Variants in CAPSL observed in about 807,000 individuals in gnomAD.
CAPSL encodes the protein calcyphosine like.
A neutral mutation model predicts 21.3 loss-of-function variants in CAPSL; 17 were observed. The ratio of observed to expected loss-of-function variants is 0.80; its 90% CI spans 0.55 to 1.20. CAPSL has a LOEUF of 1.20. Ranked by LOEUF, CAPSL falls within the 50% of genes most tolerant of loss-of-function variation. CAPSL has a pLI of 0.00. For missense variants in CAPSL, 289 were observed against 259.3 expected (o/e 1.11, Z -0.79); for synonymous variants, 102 against 89.3 (o/e 1.14, Z -0.80).
chr5:35,906,120 G>A (rs1385034487), intron 4 of CAPSL, among the ~76,000 whole-genome samples: 1 of 152,122 alleles, frequency 6.6e-6, no homozygotes, highest in Admixed American at 6.5e-5. Context: ...CATTTTGACG[G>A]TGCACTTTAC....
At chr5:35,907,079 A>C (rs569228233) in intron 4 of CAPSL, among the ~76,000 whole-genome samples, 2 of 152,218 alleles carry the variant, frequency 1.3e-5, no homozygotes, top group Non-Finnish European at 2.9e-5. Flanking sequence ...TATTCATTTT[A>C]TTTGACATTA....
chr5:35,920,840 T>C, intron 2 of CAPSL, 144 bp downstream of exon 2: 1 of 821,566 alleles, frequency 1.2e-6, no homozygotes, highest in South Asian at 2.0e-5. Flanking sequence ...ATAGATCAAC[T>C]CTTCTAAACT....
intron 1 of CAPSL, among the ~76,000 whole-genome samples, chr5:35,921,638 A>G (rs1038449962): frequency 2.5e-4 from 38 of 152,276 alleles, no homozygotes; most frequent in Non-Finnish European, 4.3e-4. Context: ...ACTAACACCT[A>G]ATGAGGTTCT....
At chr5:35,930,057 G>A (rs1316936518) in intron 1 of CAPSL, among the ~76,000 whole-genome samples, 3 of 152,192 alleles carry the variant, frequency 2.0e-5, no homozygotes, top group South Asian at 2.1e-4. Flanking sequence ...TTTCTAAAAT[G>A]TATGAATATA....
At chr5:35,915,430 T>A (rs1024386315) in intron 2 of CAPSL, among the ~76,000 whole-genome samples, 18 of 152,066 alleles carry the variant, frequency 1.2e-4, no homozygotes, top group Non-Finnish European at 1.0e-4. Flanking sequence ...TAGACCAATA[T>A]CCCTGGTGAA....
chr5:35,934,388 A>G (rs533433600), intron 1 of CAPSL, among the ~76,000 whole-genome samples: 12 of 152,262 alleles, frequency 7.9e-5, no homozygotes, highest in East Asian at 1.9e-4. Flanking sequence ...CTGAACAGCA[A>G]TCGTCACTGC....
chr5:35,910,186 G>A (rs575166416), intron 3 of CAPSL, 111 bp from the exon 4 acceptor site: 4 of 1,125,366 alleles, frequency 3.6e-6, no homozygotes, highest in African/African-American at 1.6e-5. Context: ...TAATATTTGT[G>A]TGCTATTATG....
At chr5:35,918,610 A>AT (rs1738453671) in intron 2 of CAPSL, among the ~76,000 whole-genome samples, 1 of 152,166 alleles carries the variant, frequency 6.6e-6, no homozygotes, top group Non-Finnish European at 1.5e-5. Flanking sequence ...TTAAAGAATA[A>AT]TTTTTTTAAA....
chr5:35,920,938 T>G, intron 2 of CAPSL, 46 bp downstream of exon 2: 1 of 1,594,608 alleles, frequency 6.3e-7, no homozygotes, highest in Non-Finnish European at 8.5e-7. Flanking sequence ...CCTGGCAGAG[T>G]CATTCCTTCC....
chr5:35,933,313 A>C (rs1490824515), intron 1 of CAPSL, among the ~76,000 whole-genome samples: 2 of 152,212 alleles, frequency 1.3e-5, no homozygotes, highest in Non-Finnish European at 2.9e-5. Context: ...AGTCTTGATA[A>C]CAATTCTTAT....
At chr5:35,906,464 C>T (rs555653470) in intron 4 of CAPSL, among the ~76,000 whole-genome samples, 18 of 152,190 alleles carry the variant, frequency 1.2e-4, no homozygotes, top group African/African-American at 4.1e-4. Context: ...AGGCTCCAGC[C>T]CTTTCTCGTT....
intron 2 of CAPSL, among the ~76,000 whole-genome samples, chr5:35,913,597 C>A (rs1274096164): frequency 3.3e-5 from 5 of 152,112 alleles, no homozygotes; most frequent in Non-Finnish European, 4.4e-5. Context: ...ATTTCGTATC[C>A]AGCCAAACTA....
intron 2 of CAPSL, among the ~76,000 whole-genome samples, chr5:35,918,482 G>C (rs946460612): frequency 6.6e-6 from 1 of 152,108 alleles, no homozygotes; most frequent in African/African-American, 2.4e-5. Context: ...GGCTAGGGGA[G>C]GGATAACATT....
chr5:35,931,676 A>G (rs967048853), intron 1 of CAPSL, among the ~76,000 whole-genome samples: 1 of 152,228 alleles, frequency 6.6e-6, no homozygotes, highest in Non-Finnish European at 1.5e-5. Context: ...GCAACATCTT[A>G]AAGAAACAGA....
intron 4 of CAPSL, among the ~76,000 whole-genome samples, chr5:35,905,368 A>T (rs1290940632): frequency 6.6e-6 from 1 of 152,168 alleles, no homozygotes; most frequent in Non-Finnish European, 1.5e-5. Context: ...TAATTTAATC[A>T]TGTTGGTTGA....
At chr5:35,917,834 T>C (rs1365639259) in intron 2 of CAPSL, among the ~76,000 whole-genome samples, 1 of 152,112 alleles carries the variant, frequency 6.6e-6, no homozygotes, top group Non-Finnish European at 1.5e-5. Flanking sequence ...ACCTGCGCGT[T>C]GTGCACGTGT....
chr5:35,933,421 C>G (rs1015828188), intron 1 of CAPSL, among the ~76,000 whole-genome samples: 3 of 152,086 alleles, frequency 2.0e-5, no homozygotes, highest in African/African-American at 7.2e-5. Context: ...GGTAGAAAAA[C>G]CAAGATTCTG....
At chr5:35,904,739 A>C (rs570541346) in intron 4 of CAPSL, 93 bp from the exon 5 acceptor site, 1 of 1,538,874 alleles carries the variant, frequency 6.5e-7, no homozygotes, top group African/African-American at 1.4e-5. Context: ...GAAGGGAAAT[A>C]GAGGATTTCT....
intron 2 of CAPSL, among the ~76,000 whole-genome samples, chr5:35,917,029 C>A (rs1289475116): frequency 2.0e-5 from 3 of 151,908 alleles, no homozygotes; most frequent in Admixed American, 1.3e-4. Flanking sequence ...GAAAAAAACA[C>A]ACAACCCCAT....
Sources: gnomAD v4.1 joint callset for allele counts (sites outside exome capture counted in the v4.1 genomes callset) on GRCh38, gnomAD v4.1.1 for gene constraint, MANE v1.5 for transcripts, NCBI Gene and HGNC (gene_info 2026-07-23, HGNC 2026-07-21) for gene names.